KLRD1: variants seen among roughly 807,000 people sequenced by gnomAD.
KLRD1 encodes the protein killer cell lectin like receptor D1.
In KLRD1, 21 loss-of-function variants were observed where a neutral mutation model predicts 22.6. The ratio of observed to expected loss-of-function variants is 0.93; its 90% confidence interval spans 0.66 to 1.34. The LOEUF (loss-of-function observed/expected upper bound fraction) is 1.34, where lower values mean the gene tolerates loss of function less well. KLRD1 is among the 40% of genes most tolerant of loss of function. The pLI is 0.00. For synonymous variants in KLRD1, 59 were observed against 71.1 expected (o/e 0.83, Z 0.85); for missense variants, 183 against 208.6 (o/e 0.88, Z 0.76).
At chr12:10,290,918 T>C (rs916639041) in intron 1 of KLRD1, among the ~76,000 whole-genome samples, 3 of 152,182 alleles carry the variant, frequency 2.0e-5, no homozygotes, top group Non-Finnish European at 4.4e-5. Flanking sequence ...ATTGTACCAA[T>C]GTCAATTTCC....
At chr12:10,276,122 G>A (rs1027236192) in intron 1 of KLRD1, among the ~76,000 whole-genome samples, 1 of 152,100 alleles carries the variant, frequency 6.6e-6, no homozygotes, top group South Asian at 2.1e-4. Context: ...ACTTGTGTAT[G>A]TAATTTCTTT....
chr12:10,245,056 C>T (rs1041472383), intron 1 of KLRD1, among the ~76,000 whole-genome samples: 2 of 152,032 alleles, frequency 1.3e-5, no homozygotes, highest in African/African-American at 4.8e-5. Context: ...TGAGGATTAT[C>T]AATTAATGTG....
rs1950360497 is a variant in KLRD1, at chr12:10,326,235, A to T, written c.*11442A>T. ...ACTCCTTTTCTGATATATGATTTGC[A>T]ATTATTTTCTCCCATTCTGTAGATC... On this transcript the variant is annotated 3_prime_UTR_variant, in exon 6 of 6. Coordinates refer to ENST00000336164, the MANE Select transcript of KLRD1 (RefSeq NM_002262.5). 6.6e-6 allele frequency: 1 copy of T among 151,990 alleles called. No individual in the cohort carries two copies. Among genetic ancestry groups the T allele is most frequent in the Admixed American group, 6.6e-5 (1 of 15,248 alleles). 9.4% of individuals were successfully genotyped at this position (151,990 alleles called of 1,614,324 possible).
chr12:10,239,160 G>A (rs1334559999), intron 1 of KLRD1, among the ~76,000 whole-genome samples: 1 of 152,236 alleles, frequency 6.6e-6, no homozygotes, highest in Non-Finnish European at 1.5e-5. Context: ...ACAGTATCAT[G>A]AGATGAGGCT....
At position 10,297,168 on chromosome 12, in the gene KLRD1, T is replaced by C. The variant is rs1021346801; in HGVS notation, c.-100-10810T>C. On this transcript the variant is annotated intron_variant, in intron 1 of 5. Coordinates refer to the KLRD1 transcript ENST00000544747. ...GAAAGTGTACCTGTGCTCACGCAAG[T>C]TGTAAACTTGTGCTCATTTGTATCC... Among the ~76,000 whole-genome samples, 4 of 152,344 alleles carry C rather than the reference T, an allele frequency of 2.6e-5. No individual in the cohort carries two copies. In the East Asian group the frequency reaches 5.8e-4, roughly 22 times the overall value.
intron 1 of KLRD1, among the ~76,000 whole-genome samples, chr12:10,277,117 T>G (rs942410642): frequency 4.1e-5 from 6 of 145,472 alleles, no homozygotes; most frequent in East Asian, 1.9e-4. Flanking sequence ...TCACAGAGTT[T>G]TTTTTTTTTT....
chr12:10,283,084 G>C (rs2137656296), intron 1 of KLRD1, among the ~76,000 whole-genome samples: 1 of 152,338 alleles, frequency 6.6e-6, no homozygotes, highest in African/African-American at 2.4e-5. Flanking sequence ...CAAACAGTTG[G>C]AGAAATCTAA....
At chr12:10,313,120 T>C (rs1400305734) in intron 4 of KLRD1, among the ~76,000 whole-genome samples, 1 of 152,212 alleles carries the variant, frequency 6.6e-6, no homozygotes, top group East Asian at 1.9e-4. Flanking sequence ...AATTTAATCT[T>C]TGATCCCCCG....
intron 5 of KLRD1, among the ~76,000 whole-genome samples, chr12:10,313,977 T>G (rs568519388): frequency 2.6e-5 from 4 of 152,094 alleles, no homozygotes; most frequent in Non-Finnish European, 5.9e-5. Flanking sequence ...GCATTTTTCC[T>G]AAATCAATCT....
chr12:10,239,553 T>TTCTTTC (rs1230637311), intron 1 of KLRD1, among the ~76,000 whole-genome samples: 1 of 125,782 alleles, frequency 8.0e-6, no homozygotes, highest in Non-Finnish European at 1.5e-5. Flanking sequence ...CTTTCTTTCT[T>TTCTTTC]TCTTTCTTTC....
chr12:10,273,134 G>A (rs1385655455), intron 1 of KLRD1, among the ~76,000 whole-genome samples: 1 of 151,886 alleles, frequency 6.6e-6, no homozygotes, highest in African/African-American at 2.4e-5. Flanking sequence ...ACTTTAAAAA[G>A]TAAAATAACT....
At chr12:10,296,536 CCACA>C (rs542167116) in intron 1 of KLRD1, among the ~76,000 whole-genome samples, 1 of 150,652 alleles carries the variant, frequency 6.6e-6, no homozygotes, top group Non-Finnish European at 1.5e-5. Flanking sequence ...ATAAAAAAAA[CCACA>C]CACACACACA....
chr12:10,293,186 C>T (rs1230941374), intron 1 of KLRD1, among the ~76,000 whole-genome samples: 1 of 7,364 alleles, frequency 1.4e-4, no homozygotes, highest in Non-Finnish European at 5.0e-4. Context: ...ACACATAATT[C>T]GCATGCTCAC....
chr12:10,246,654 A>G lies in KLRD1; in HGVS notation c.-101+20421A>G, dbSNP rs550729996. Among the ~76,000 whole-genome samples, 132 of 152,290 alleles carry G rather than the reference A, an allele frequency of 8.7e-4. 1 individual carries two copies. The highest frequency in any genetic ancestry group is 2.9e-3 in the African/African-American group (122 of 41,566). Reference sequence around the variant, plus strand: ...ATATTCTATTTTATTCTGTAATTATATACCATAAAACTATTGACCAAATGG... The same window carrying G: ...ATATTCTATTTTATTCTGTAATTATGTACCATAAAACTATTGACCAAATGG... On this transcript the variant is annotated intron_variant, in intron 1 of 5. Coordinates refer to the KLRD1 transcript ENST00000544747.
chr12:10,239,503 TC>T, intron 1 of KLRD1, among the ~76,000 whole-genome samples: 1 of 104,966 alleles, frequency 9.5e-6, no homozygotes, highest in Non-Finnish European at 2.1e-5. Context: ...CTTCCTTCCT[TC>T]CCTCCTTCCC....
At chr12:10,287,771 C>T (rs557703491) in intron 1 of KLRD1, among the ~76,000 whole-genome samples, 2 of 152,032 alleles carry the variant, frequency 1.3e-5, no homozygotes, top group South Asian at 4.1e-4. Flanking sequence ...GGATTTTTAC[C>T]TCTGTAAGAA....
At chr12:10,248,073 G>T (rs1463477394) in intron 1 of KLRD1, among the ~76,000 whole-genome samples, 2 of 152,138 alleles carry the variant, frequency 1.3e-5, no homozygotes, top group Non-Finnish European at 2.9e-5. Flanking sequence ...ATGTGCACAT[G>T]CGTGACCTTG....
intron 1 of KLRD1, among the ~76,000 whole-genome samples, chr12:10,246,142 C>T (rs1174987107): frequency 1.3e-5 from 2 of 151,928 alleles, no homozygotes; most frequent in African/African-American, 2.4e-5. Context: ...ATTAAGTTGC[C>T]CTACTTAATT....
intron 1 of KLRD1, among the ~76,000 whole-genome samples, chr12:10,254,809 C>G (rs2078427590): frequency 6.6e-6 from 1 of 150,792 alleles, no homozygotes; most frequent in African/African-American, 2.4e-5. Flanking sequence ...AGGAGAATCA[C>G]TTGAACCCAG....
Sources: allele counts gnomAD v4.1 joint callset (sites outside exome capture counted in the v4.1 genomes callset), GRCh38; gene constraint gnomAD v4.1.1; transcripts MANE v1.5; gene names NCBI Gene and HGNC (gene_info 2026-07-23, HGNC 2026-07-21).